The following GRAMD1B variants were observed in gnomAD, a reference collection of about 807,000 sequenced individuals.
GRAMD1B encodes protein Aster-B.
GRAMD1B carries 37 observed loss-of-function variants against 99.7 expected under a neutral mutation model. The ratio of observed to expected loss-of-function variants is 0.37; its 90% CI spans 0.29 to 0.49. The LOEUF (loss-of-function observed/expected upper bound fraction) is 0.49. Ranked by LOEUF, GRAMD1B falls within the 20% of genes least tolerant of loss-of-function variation. The probability of loss-of-function intolerance (pLI) is 0.98; values close to 1 mark genes in which losing one functional copy is unlikely to be tolerated. For synonymous variants in GRAMD1B, 427 were observed against 387.6 expected, an observed-to-expected ratio of 1.10 and a Z score of -1.19; for missense variants, 888 against 1,009.2, an observed-to-expected ratio of 0.88 and a Z score of 1.63.
intron 12 of GRAMD1B, among the ~76,000 whole-genome samples, chr11:123,609,043 C>T (rs1148087): frequency 6.6e-5 from 10 of 152,098 alleles, no homozygotes; most frequent in African/African-American, 1.9e-4. Context: ...ACCAGGCACT[C>T]GATGCCGGCC....
At chr11:123,618,326 T>C (rs1348569809) in intron 17 of GRAMD1B, 4 of 1,611,516 alleles carry the variant, frequency 2.5e-6, no homozygotes, top group Admixed American at 1.7e-5. Flanking sequence ...TCCCCATTTT[T>C]CTTCCTTGCT....
chr11:123,495,540 C>T (rs73025999), intron 2 of GRAMD1B, among the ~76,000 whole-genome samples: 2,543 of 152,144 alleles, frequency 0.017, 34 homozygotes, highest in Non-Finnish European at 0.022. Flanking sequence ...ATTGATCAGC[C>T]CCACTTCCCC....
intron 3 of GRAMD1B, among the ~76,000 whole-genome samples, chr11:123,581,860 G>A (rs554590687): frequency 2.0e-5 from 3 of 152,344 alleles, no homozygotes; most frequent in South Asian, 4.1e-4. Context: ...CACAAGCGCC[G>A]ATGTGCCAGC....
rs1454827295 is a variant in GRAMD1B, at chr11:123,622,772, G to T, written c.*177G>T. On this transcript the variant is annotated 3_prime_UTR_variant, in exon 20 of 20. Transcript: ENST00000635736. ...GAAGGAGCGGGCCCTCCCGCGCCCTGTGCTGGCCGGAGCAGCGTTTTCTTA... is the reference window on the plus strand; with the variant it reads ...GAAGGAGCGGGCCCTCCCGCGCCCTTTGCTGGCCGGAGCAGCGTTTTCTTA... The T allele has an allele frequency of 5.3e-6, 1 of 189,686 alleles. No homozygotes were observed. Among genetic ancestry groups the T allele is most frequent in the Non-Finnish European group, 1.0e-5 (1 of 96,146 alleles). The allele number at this position is 189,686 out of a possible 1,614,324, so 11.8% of individuals were successfully genotyped here. A position where few individuals can be genotyped will look rare whatever the true frequency, so the allele number is the denominator to read the frequency against.
chr11:123,378,664 G>A (rs1946771423), intron 1 of GRAMD1B, among the ~76,000 whole-genome samples: 1 of 152,078 alleles, frequency 6.6e-6, no homozygotes, highest in East Asian at 1.9e-4. Flanking sequence ...AATGAAGCAG[G>A]GAAAACAGCC....
At chr11:123,487,073 G>GAAAATAAAT (rs1937899805) in intron 2 of GRAMD1B, among the ~76,000 whole-genome samples, 1 of 152,098 alleles carries the variant, frequency 6.6e-6, no homozygotes, top group African/African-American at 2.4e-5. Context: ...TGTCTCAAAA[G>GAAAATAAAT]AAAATAAATA....
intron 2 of GRAMD1B, among the ~76,000 whole-genome samples, chr11:123,493,596 G>A (rs1275036562): frequency 2.6e-5 from 4 of 152,220 alleles, no homozygotes; most frequent in Non-Finnish European, 5.9e-5. Flanking sequence ...GTGTGGACGG[G>A]CTTCCAGACC....
Position 123,584,213 on chromosome 11 carries a change from C to T in GRAMD1B, c.664-99C>T, listed in dbSNP as rs540764505. On this transcript the variant is annotated intron_variant, in intron 3 of 19. Transcript: ENST00000635736. ...ATTCAGCTGCATTTGGACCCCTCCT[C>T]CCTGCCCACCCTCCGCTGTCTGTGT... 22 of 699,412 alleles carry T rather than the reference C, an allele frequency of 3.1e-5. No individual in the cohort carries two copies. The East Asian group carries it at 6.7e-4, about 21-fold the overall frequency. 43.3% of individuals were successfully genotyped at this position (699,412 alleles called of 1,614,324 possible). A position where few individuals can be genotyped will look rare whatever the true frequency, so the allele number is the denominator to read the frequency against.
In GRAMD1B at chr11:123,608,561, C is replaced by A. The variant is rs1161949243; in HGVS notation, c.1514-98C>A. On this transcript the variant is annotated intron_variant, in intron 11 of 19. Transcript: ENST00000635736. Reference sequence around the variant, plus strand: ...TCTCCATACCCTTGTTGACTGTGCTCATATTAGCCAGAGACCTAAGTGCTC... The same window carrying A: ...TCTCCATACCCTTGTTGACTGTGCTAATATTAGCCAGAGACCTAAGTGCTC... 3.9e-6 allele frequency: 6 copies of A among 1,548,322 alleles called. No homozygotes were observed. In the South Asian group the frequency reaches 7.1e-5, roughly 18 times the overall value.
intron 2 of GRAMD1B, among the ~76,000 whole-genome samples, chr11:123,568,721 ACT>A (rs1423240103): frequency 7.9e-5 from 12 of 152,070 alleles, no homozygotes; most frequent in Admixed American, 6.5e-5. Flanking sequence ...CCAGGCTGAG[ACT>A]CTGCTTTAGT....
chr11:123,525,704 C>G (rs570101061), intron 2 of GRAMD1B: 21 of 190,740 alleles, frequency 1.1e-4, no homozygotes, highest in African/African-American at 4.9e-4. Flanking sequence ...GGTTTGTGCT[C>G]TCCTCCCAGG....
intron 2 of GRAMD1B, among the ~76,000 whole-genome samples, chr11:123,554,525 CAAAAAAAAAA>C (rs750680684): frequency 3.5e-5 from 3 of 86,538 alleles, no homozygotes; most frequent in Non-Finnish European, 8.0e-5. Flanking sequence ...CCCATCTTTA[CAAAAAAAAAA>C]AAAAAAAAAA....
chr11:123,431,174 C>T lies in GRAMD1B; in HGVS notation c.374+8C>T. On this transcript the variant is annotated splice_region_variant and intron_variant, in intron 1 of 19. Coordinates refer to ENST00000635736, the MANE Select transcript of GRAMD1B (RefSeq NM_001387025.1). ...GGAGTGCAGTGAAAGCAGGTACGTC[C>T]CCGTTCCGCCCGTCTCCTTCCCTTC... 1.4e-6 allele frequency: 1 copy of T among 692,520 alleles called. No individual in the cohort carries two copies. 42.9% of individuals were successfully genotyped at this position (692,520 alleles called of 1,614,324 possible).
intron 1 of GRAMD1B, among the ~76,000 whole-genome samples, chr11:123,417,844 A>G (rs1948284602): frequency 6.6e-6 from 1 of 152,186 alleles, no homozygotes; most frequent in South Asian, 2.1e-4. Flanking sequence ...GGCTGAGTAT[A>G]AGATCACTTG....
chr11:123,366,874 T>G (rs1331818909), intron 1 of GRAMD1B, among the ~76,000 whole-genome samples: 1 of 152,190 alleles, frequency 6.6e-6, no homozygotes, highest in Non-Finnish European at 1.5e-5. Flanking sequence ...ATTTCCACAT[T>G]ATCACTTTAT....
chr11:123,600,370 T>TGAAGTCA (rs1951800757), intron 7 of GRAMD1B, 98 bp from the exon 8 acceptor site: 1 of 734,874 alleles, frequency 1.4e-6, no homozygotes, highest in Non-Finnish European at 2.3e-6. Context: ...TGTTTGAGGA[T>TGAAGTCA]GAAGTCAGTA....
chr11:123,563,455 A>T (rs758139124), intron 2 of GRAMD1B, among the ~76,000 whole-genome samples: 76 of 152,166 alleles, frequency 5.0e-4, no homozygotes, highest in Non-Finnish European at 9.4e-4. Context: ...AGTCCAGGAT[A>T]GCTGGAATAA....
chr11:123,477,763 C>A (rs1951367610), intron 1 of GRAMD1B, among the ~76,000 whole-genome samples: 1 of 140,556 alleles, frequency 7.1e-6, no homozygotes, highest in Non-Finnish European at 1.5e-5. Context: ...TTTCCCTTTT[C>A]CTTCCCTTTT....
chr11:123,572,674 G>GGAGA (rs149492693), intron 2 of GRAMD1B, among the ~76,000 whole-genome samples: 3 of 149,754 alleles, frequency 2.0e-5, no homozygotes, highest in African/African-American at 4.9e-5. Flanking sequence ...GTAATTGGAG[G>GGAGA]GAGAGAGAGA....
Sources: gnomAD v4.1 joint callset for allele counts (sites outside exome capture counted in the v4.1 genomes callset) on GRCh38, gnomAD v4.1.1 for gene constraint, MANE v1.5 for transcripts, NCBI Gene and HGNC (gene_info 2026-07-23, HGNC 2026-07-21) for gene names.